UNC93A: variants seen among roughly 807,000 people sequenced by gnomAD.
UNC93A encodes N-acetylglucosamine transporter UNC93A.
UNC93A carries 43 observed loss-of-function variants against 47.5 expected under a neutral mutation model. The observed-to-expected ratio is 0.91, with a 90% CI of 0.71 to 1.17. UNC93A has a LOEUF of 1.17. Ranked by LOEUF, UNC93A falls within the 50% of genes most tolerant of loss-of-function variation. The pLI is 0.00. For missense variants in UNC93A, 605 were observed against 577.6 expected (o/e 1.05, Z -0.49); for synonymous variants, 280 against 258.0 (o/e 1.09, Z -0.82).
At chr6:167,312,629 C>T (rs1289480525) in intron 7 of UNC93A, among the ~76,000 whole-genome samples, 5 of 152,070 alleles carry the variant, frequency 3.3e-5, no homozygotes, top group East Asian at 3.9e-4. Flanking sequence ...CTCCATTCTC[C>T]GGCAGCCAGA....
At chr6:167,311,191 A>T (rs1778545694) in intron 7 of UNC93A, among the ~76,000 whole-genome samples, 1 of 152,194 alleles carries the variant, frequency 6.6e-6, no homozygotes, top group Non-Finnish European at 1.5e-5. Context: ...TATGTGGACC[A>T]CGTATGTTCT....
At chr6:167,292,592 T>C (rs1165779722) in intron 1 of UNC93A, among the ~76,000 whole-genome samples, 1 of 152,182 alleles carries the variant, frequency 6.6e-6, no homozygotes, top group African/African-American at 2.4e-5. Context: ...GAGGATAAAA[T>C]GGCAGCCAAC....
At position 167,276,059 on chromosome 6, in the gene UNC93A, C is replaced by CTTTTTTTTT. The variant is rs112367150; in HGVS notation, c.-52+4605_-52+4606insTTTTTTTTT. 1.5e-5 allele frequency among the ~76,000 whole-genome samples: 2 copies of CTTTTTTTTT among 132,346 alleles called. 1 individual carries two copies. 86.8% of individuals were successfully genotyped at this position (132,346 alleles called of 152,430 possible). A position where few individuals can be genotyped will look rare whatever the true frequency, so the allele number is the denominator to read the frequency against. ...CTCTATGAGATCATTTTTTTCTTTTCTTTTCTTTTTTTTTTTTTAGCTCAC... is the reference window on the plus strand; with the variant it reads ...CTCTATGAGATCATTTTTTTCTTTTCTTTTTTTTTTTTTCTTTTTTTTTTTTTAGCTCAC... On this transcript the variant is annotated intron_variant, in intron 1 of 3. Coordinates refer to the UNC93A transcript ENST00000503433.
chr6:167,297,168 A>G (rs1344658403), intron 3 of UNC93A, among the ~76,000 whole-genome samples: 5 of 152,208 alleles, frequency 3.3e-5, no homozygotes, highest in African/African-American at 4.8e-5. Context: ...GTGGAGGAAC[A>G]GGCATTTCTT....
rs771636729 is a variant in UNC93A at position 167,304,082 on chromosome 6, G to T, written c.789G>T (p.Leu263=). 2 of 1,614,040 alleles carry T rather than the reference G, an allele frequency of 1.2e-6. No homozygotes were observed. Among genetic ancestry groups the T allele is most frequent in the Non-Finnish European group, 1.7e-6 (2 of 1,180,056 alleles). The change falls in exon 5 of 8, where the codon CTG becomes CTT. Residue 263 remains leucine (L), a synonymous_variant. Transcript: ENST00000230256. ...RDKRLCLLIL[L]PLYSGLQQGF... Reference sequence around the variant, plus strand: ...AACGTCTGTGCCTCTTAATTCTGCTGCCGCTGTACAGTGGATTGCAGCAAG... The same window carrying T: ...AACGTCTGTGCCTCTTAATTCTGCTTCCGCTGTACAGTGGATTGCAGCAAG...
chr6:167,283,348 A>C (rs1783664309), intron 1 of UNC93A, among the ~76,000 whole-genome samples: 1 of 152,174 alleles, frequency 6.6e-6, no homozygotes, highest in Non-Finnish European at 1.5e-5. Flanking sequence ...TTTCATGTGA[A>C]GTCTGGCCAG....
upstream of UNC93A, among the ~76,000 whole-genome samples, chr6:167,290,152 T>C (rs1783815985): frequency 6.6e-6 from 1 of 152,218 alleles, no homozygotes; most frequent in African/African-American, 2.4e-5. Flanking sequence ...AATTACAGGA[T>C]TAGGGTGTGA....
intron 7 of UNC93A, among the ~76,000 whole-genome samples, chr6:167,309,085 G>A (rs1200179465): frequency 6.6e-6 from 1 of 152,106 alleles, no homozygotes; most frequent in Admixed American, 6.5e-5. Context: ...GCTGGAAGGG[G>A]ACATGGCCGT....
chr6:167,306,032 G>C lies in UNC93A; in HGVS notation c.958G>C (p.Ala320Pro). 1 of 1,614,188 alleles carries C rather than the reference G, an allele frequency of 6.2e-7. No homozygotes were observed. Among genetic ancestry groups the C allele is most frequent in the Non-Finnish European group, 8.5e-7 (1 of 1,180,042 alleles). ...YGKVSQYTGR[A>P]VLYVLGAVTH... ...AAAGGTCTCGCAGTACACGGGCAGGGCTGTGCTGTACGTGCTGGGTAGGTA... is the reference window on the plus strand; with the variant it reads ...AAAGGTCTCGCAGTACACGGGCAGGCCTGTGCTGTACGTGCTGGGTAGGTA... The change falls in exon 6 of 8, where the codon GCT becomes CCT. Residue 320 changes from alanine (A) to proline (P), a missense_variant. Coordinates refer to ENST00000230256, the MANE Select transcript of UNC93A (RefSeq NM_018974.4).
upstream of UNC93A, among the ~76,000 whole-genome samples, chr6:167,269,335 T>C (rs1736598): frequency 0.26 from 39,450 of 152,132 alleles, 5,843 homozygotes; most frequent in African/African-American, 0.4. Context: ...TTTTGTGTAG[T>C]GCCTCACTGT....
At chr6:167,293,387 C>T (rs1777942157) in intron 1 of UNC93A, among the ~76,000 whole-genome samples, 1 of 152,158 alleles carries the variant, frequency 6.6e-6, no homozygotes, top group Non-Finnish European at 1.5e-5. Context: ...CAGCTCCACC[C>T]TGGTTCGAGG....
In UNC93A at chr6:167,315,191, C is replaced by A. The variant is rs369825725; in HGVS notation, c.1113C>A (p.Leu371=). 5.4e-5 allele frequency: 87 copies of A among 1,613,442 alleles called. No homozygotes were observed. Among genetic ancestry groups the A allele is most frequent in the Non-Finnish European group, 7.4e-5 (87 of 1,179,880 alleles). ...ACTCCGCTCTCTCCTCTGCAGCTCT[C>A]TACGGCGTTCTGTTTGAGAAGAGCA... is the stretch of plus-strand genomic sequence containing the variant. ...DAVWQTQNNA[L]YGVLFEKSKE... is the part of the protein sequence containing the mutation. Residue 371 remains leucine, a synonymous_variant, in exon 8 of 8, where the codon CTC becomes CTA. Transcript: ENST00000230256.
At chr6:167,289,162 T>C (rs1218724014), upstream of UNC93A, among the ~76,000 whole-genome samples, 3 of 152,382 alleles carry the variant, frequency 2.0e-5, no homozygotes, top group East Asian at 5.8e-4. Context: ...TTTCTAGAGG[T>C]TGCACTCTCT....
chr6:167,286,853 C>T (rs1167153907), upstream of UNC93A, among the ~76,000 whole-genome samples: 1 of 151,764 alleles, frequency 6.6e-6, no homozygotes. Flanking sequence ...TGGCGGGTGC[C>T]TGTAATCCCA....
At chr6:167,269,359 A>G (rs547812090), upstream of UNC93A, among the ~76,000 whole-genome samples, 47 of 152,334 alleles carry the variant, frequency 3.1e-4, no homozygotes, top group African/African-American at 1.1e-3. Context: ...GATAAGAAGA[A>G]AACATGTACA....
chr6:167,307,585 A>AGATG (rs1778436050), intron 6 of UNC93A, among the ~76,000 whole-genome samples, 194 bp from the exon 7 acceptor site: 1 of 145,718 alleles, frequency 6.9e-6, no homozygotes, highest in East Asian at 2.0e-4. Flanking sequence ...CGGTTGAGAT[A>AGATG]GTTGAGATGG....
At chr6:167,277,112 C>T (rs568311123) in intron 1 of UNC93A, among the ~76,000 whole-genome samples, 1 of 152,212 alleles carries the variant, frequency 6.6e-6, no homozygotes, top group Non-Finnish European at 1.5e-5. Flanking sequence ...CAGTCAGGTG[C>T]ATTTGTCTCC....
At position 167,295,213 on chromosome 6, in the gene UNC93A, G is replaced by A. The variant is rs530708312; in HGVS notation, c.269+515G>A. The stretch of plus-strand genomic sequence containing the variant: ...GGCTTTGGCCTGCACCCCAGGCCCC[G>A]GGAACACAGCCATGGAGCATCTCTT... On this transcript the variant is annotated intron_variant, in intron 2 of 7. Coordinates refer to ENST00000230256, the MANE Select transcript of UNC93A (RefSeq NM_018974.4). 2.6e-5 allele frequency among the ~76,000 whole-genome samples: 4 copies of A among 152,252 alleles called. 1 individual carries two copies. The highest frequency in any genetic ancestry group is 4.8e-5 in the African/African-American group (2 of 41,544).
chr6:167,298,629 G>A lies in UNC93A; in HGVS notation c.625+559G>A, dbSNP rs116012306. Among the ~76,000 whole-genome samples the A allele has an allele frequency of 3.9e-3, 594 of 152,028 alleles. 7 individuals are homozygous for A. The highest frequency in any genetic ancestry group is 0.014 in the African/African-American group (573 of 41,398). ...TGCACCTTAGCTGGAGACGTTGCAA[G>A]CTCATGGTGAAAGGGCTGCCCAAAG... On this transcript the variant is annotated intron_variant, in intron 4 of 7. Transcript: ENST00000230256.
Sources: gnomAD v4.1 joint callset for allele counts (sites outside exome capture counted in the v4.1 genomes callset) on GRCh38, gnomAD v4.1.1 for gene constraint, MANE v1.5 for transcripts, NCBI Gene and HGNC (gene_info 2026-07-23, HGNC 2026-07-21) for gene names.